SLIT3: variants seen among roughly 807,000 people sequenced by gnomAD.
SLIT3 encodes slit guidance ligand 3, also known as slit homolog 3 protein.
A neutral mutation model predicts 184.0 loss-of-function variants in SLIT3; 68 were observed. That is an observed-to-expected ratio of 0.37 (90% CI 0.30 to 0.45). The LOEUF is 0.45. Ranked by LOEUF, SLIT3 falls within the 20% of genes least tolerant of loss-of-function variation. SLIT3 has a pLI of 1.00. For missense variants in SLIT3, 1,707 were observed against 2,026.0 expected (o/e 0.84, Z 3.02); for synonymous variants, 831 against 828.6 (o/e 1.00, Z -0.05).
intron 19 of SLIT3, 28 bp from the exon 20 acceptor site, chr5:168,748,462 G>T: frequency 1.3e-6 from 2 of 1,507,314 alleles, no homozygotes; most frequent in Non-Finnish European, 1.7e-6. Context: ...GAGGGTGAGG[G>T]TTGTGGGAGA....
intron 3 of SLIT3, among the ~76,000 whole-genome samples, chr5:169,229,065 G>T (rs1400543829): frequency 6.6e-6 from 1 of 152,074 alleles, no homozygotes; most frequent in South Asian, 2.1e-4. Context: ...GAAGCCGTGC[G>T]CACACACACA....
rs577835627 is a variant in SLIT3, at chr5:169,110,800, C to T, written c.413+82679G>A. On this transcript the variant is annotated intron_variant, in intron 4 of 35. Coordinates refer to ENST00000519560, the MANE Select transcript of SLIT3 (RefSeq NM_003062.4). ...CTCCCATTTTTGCAGCGTAGCTCACCCCACCCTCAAACCCTTATTCTACAG... is the reference window on the plus strand; with the variant it reads ...CTCCCATTTTTGCAGCGTAGCTCACTCCACCCTCAAACCCTTATTCTACAG... Among the ~76,000 whole-genome samples, 8 of 152,266 alleles carry T rather than the reference C, an allele frequency of 5.3e-5. No homozygotes were observed. In the East Asian group the frequency reaches 1.5e-3, roughly 29 times the overall value.
chr5:168,739,409 TTTTC>T (rs1763542733), intron 20 of SLIT3, among the ~76,000 whole-genome samples: 2 of 148,734 alleles, frequency 1.3e-5, no homozygotes, highest in East Asian at 2.1e-4. Context: ...ATTCCTCGCT[TTTTC>T]TTTCTTTTTA....
At position 168,669,761 on chromosome 5, in the gene SLIT3, CCCACAGGCA is replaced by C. The variant is rs760835501; in HGVS notation, c.4336+13_4336+21del. Reference sequence around the variant, plus strand: ...CAACTCTGACCCCCACTTCCTCCCTCCCACAGGCACAGTAGACCCACCTTGTTGGCAGTG... The same window carrying C: ...CAACTCTGACCCCCACTTCCTCCCTCCAGTAGACCCACCTTGTTGGCAGTG... On this transcript the variant is annotated intron_variant, in intron 35 of 35. Transcript: ENST00000519560. 6.2e-7 allele frequency: 1 copy of C among 1,607,410 alleles called. No individual in the cohort carries two copies. Among genetic ancestry groups the C allele is most frequent in the Non-Finnish European group, 8.5e-7 (1 of 1,175,370 alleles).
chr5:169,294,056 G>T (rs1357087718), intron 1 of SLIT3, among the ~76,000 whole-genome samples: 2 of 152,184 alleles, frequency 1.3e-5, no homozygotes, highest in East Asian at 3.9e-4. Flanking sequence ...ATCAGCAGTG[G>T]TCCAGATGAG....
chr5:168,983,332 G>C (rs1755014166), intron 4 of SLIT3, among the ~76,000 whole-genome samples: 1 of 152,218 alleles, frequency 6.6e-6, no homozygotes, highest in Non-Finnish European at 1.5e-5. Context: ...TCCCTGTCTG[G>C]TGCCAATTTA....
intron 4 of SLIT3, among the ~76,000 whole-genome samples, chr5:168,914,551 C>G (rs1379712351): frequency 3.3e-5 from 5 of 152,234 alleles, no homozygotes; most frequent in Non-Finnish European, 7.3e-5. Flanking sequence ...GATGAGACCA[C>G]TGGTCCTCCT....
At position 169,147,468 on chromosome 5, in the gene SLIT3, C is replaced by T. The variant is rs1289374798; in HGVS notation, c.413+46011G>A. On this transcript the variant is annotated intron_variant, in intron 4 of 35. Transcript: ENST00000519560. ...TACAGACAGGGTTTGATCGTGTTAG[C>T]CAGGATGGTCTCAATCTCCTGACCT... Among the ~76,000 whole-genome samples, 4 of 152,120 alleles carry T rather than the reference C, an allele frequency of 2.6e-5. 1 individual carries two copies. The highest frequency in any genetic ancestry group is 2.9e-5 in the Non-Finnish European group (2 of 68,020).
At chr5:169,259,219 T>C (rs1202727530) in intron 1 of SLIT3, among the ~76,000 whole-genome samples, 2 of 151,954 alleles carry the variant, frequency 1.3e-5, no homozygotes, top group Non-Finnish European at 2.9e-5. Flanking sequence ...TCACCACATC[T>C]GGCTAATTTT....
Position 168,917,762 on chromosome 5 carries a change from T to C in SLIT3, c.414-34426A>G, listed in dbSNP as rs367878161. ...TTGGCACGTTAAAATCTAATTCCTC[T>C]TTGGAGAAGCCAAGGAAACCTTCGC... On this transcript the variant is annotated intron_variant, in intron 4 of 35. Coordinates refer to ENST00000519560, the MANE Select transcript of SLIT3 (RefSeq NM_003062.4). Among the ~76,000 whole-genome samples, 9 of 152,346 alleles carry C rather than the reference T, an allele frequency of 5.9e-5. 1 individual carries two copies. The East Asian group carries it at 9.6e-4, about 16-fold the overall frequency.
chr5:168,968,081 T>C (rs189581342), intron 4 of SLIT3, among the ~76,000 whole-genome samples: 72 of 152,296 alleles, frequency 4.7e-4, no homozygotes, highest in African/African-American at 1.7e-3. Context: ...TTCTCCTCCC[T>C]GAACATAAAG....
chr5:169,198,012 A>G (rs1331201042), intron 3 of SLIT3, among the ~76,000 whole-genome samples: 2 of 152,126 alleles, frequency 1.3e-5, no homozygotes, highest in African/African-American at 2.4e-5. Flanking sequence ...CATCCATCCA[A>G]CTGTTCATTT....
chr5:168,817,037 A>G (rs1378597500), intron 8 of SLIT3, among the ~76,000 whole-genome samples: 3 of 145,088 alleles, frequency 2.1e-5, no homozygotes, highest in African/African-American at 7.7e-5. Context: ...GGTTTCTAGT[A>G]TCAATGGACT....
intron 9 of SLIT3, among the ~76,000 whole-genome samples, chr5:168,796,217 T>A (rs191201026): frequency 2.8e-4 from 42 of 152,274 alleles, no homozygotes; most frequent in African/African-American, 9.6e-4. Flanking sequence ...AATCTGTGCC[T>A]TTAACCTCTT....
At chr5:168,877,848 G>A (rs1412010323) in intron 5 of SLIT3, among the ~76,000 whole-genome samples, 5 of 144,230 alleles carry the variant, frequency 3.5e-5, no homozygotes, top group Admixed American at 6.9e-5. Flanking sequence ...GAGAAAGACA[G>A]GGCAAGGGGA....
At chr5:168,722,454 C>A in intron 22 of SLIT3, 127 bp from the exon 23 acceptor site, 1 of 783,752 alleles carries the variant, frequency 1.3e-6, no homozygotes, top group South Asian at 1.6e-5. Flanking sequence ...ACAGAACATC[C>A]CCTAAAGGGA....
At chr5:168,747,819 C>T (rs1038937604) in intron 20 of SLIT3, among the ~76,000 whole-genome samples, 2 of 151,980 alleles carry the variant, frequency 1.3e-5, no homozygotes, top group African/African-American at 4.8e-5. Flanking sequence ...AAAATGGGGC[C>T]GCATGCTTGA....
intron 4 of SLIT3, among the ~76,000 whole-genome samples, chr5:169,101,407 C>T (rs536861306): frequency 6.6e-6 from 1 of 152,172 alleles, no homozygotes; most frequent in Non-Finnish European, 1.5e-5. Flanking sequence ...CAGTCTCATT[C>T]ACATTGAAGT....
At chr5:169,189,402 G>A (rs574078320) in intron 4 of SLIT3, among the ~76,000 whole-genome samples, 10 of 151,662 alleles carry the variant, frequency 6.6e-5, no homozygotes, top group South Asian at 2.1e-4. Flanking sequence ...TACAACTATG[G>A]GTAAGTTAGA....
Sources: allele counts gnomAD v4.1 joint callset (sites outside exome capture counted in the v4.1 genomes callset), GRCh38; gene constraint gnomAD v4.1.1; transcripts MANE v1.5; gene names NCBI Gene and HGNC (gene_info 2026-07-23, HGNC 2026-07-21).